The following KIRREL3 variants were observed in gnomAD, a reference collection of about 807,000 sequenced individuals.
The protein encoded by KIRREL3 is kirre like nephrin family adhesion molecule 3.
KIRREL3 carries 36 observed loss-of-function variants against 89.7 expected under a neutral mutation model. The ratio of observed to expected loss-of-function variants is 0.40; its 90% confidence interval spans 0.31 to 0.53. KIRREL3 has a LOEUF of 0.53. Among genes scored for constraint, KIRREL3 ranks in the 20% least tolerant of loss-of-function variants. KIRREL3 has a pLI of 0.49. For missense variants in KIRREL3, 864 were observed against 1,056.6 expected, an observed-to-expected ratio of 0.82 and a Z score of 2.53; for synonymous variants, 445 against 441.4, an observed-to-expected ratio of 1.01 and a Z score of -0.10.
chr11:126,518,703 T>C (rs1031936073), intron 4 of KIRREL3, among the ~76,000 whole-genome samples: 6 of 152,178 alleles, frequency 3.9e-5, no homozygotes, highest in Admixed American at 1.3e-4. Flanking sequence ...CTCTCTCCCA[T>C]CTGTGGGAAC....
In KIRREL3 at chr11:126,491,039, C is replaced by T. The variant is rs1268856356; in HGVS notation, c.434-17573G>A. Among the ~76,000 whole-genome samples the T allele has an allele frequency of 6.6e-6, 1 of 152,140 alleles. No homozygotes were observed. The highest frequency in any genetic ancestry group is 2.4e-5 in the African/African-American group (1 of 41,422). On this transcript the variant is annotated intron_variant, in intron 4 of 16. Transcript: ENST00000525144. This position sits in a 1 kb window ranked among gnomAD's most constrained non-coding sequence, Gnocchi z 5.5. ...GCAGGGCTCTGTCTGGATTTTGGGT[C>T]CATCCCGTAGTGGAAAGGGGTCCTA... is the stretch of plus-strand genomic sequence containing the variant.
intron 1 of KIRREL3, among the ~76,000 whole-genome samples, chr11:126,803,553 G>A (rs1276386579): frequency 6.6e-6 from 1 of 152,016 alleles, no homozygotes; most frequent in Non-Finnish European, 1.5e-5. Context: ...ACTGTTAGTA[G>A]TGTTAATAAA....
Position 126,891,299 on chromosome 11 carries a change from A to C in KIRREL3, c.55+109156T>G, listed in dbSNP as rs1268036958. 6.6e-6 allele frequency among the ~76,000 whole-genome samples: 1 copy of C among 152,208 alleles called. No homozygotes were observed. The highest frequency in any genetic ancestry group is 2.4e-5 in the African/African-American group (1 of 41,450). The stretch of plus-strand genomic sequence containing the variant: ...CAAAAAGATCCTGGGATATCAAAAT[A>C]TCACTGTCTGACTCTGATAATGACT... On this transcript the variant is annotated intron_variant, in intron 1 of 16. Transcript: ENST00000525144. The surrounding 1 kb of genome is among the most constrained non-coding windows in gnomAD (Gnocchi z 5.1).
At chr11:126,846,702 G>A (rs984020494) in intron 1 of KIRREL3, among the ~76,000 whole-genome samples, 21 of 151,958 alleles carry the variant, frequency 1.4e-4, no homozygotes, top group African/African-American at 4.6e-4. Context: ...AATTTCACAC[G>A]CAAGGTGTAT....
Position 126,431,155 on chromosome 11 carries a change from T to C in KIRREL3, c.1696+264A>G. ...GTACAGTTCCTGACTGAAAGAGCTATGTGTTCAATCCAAAATGCTGGCTGC... is the reference window on the plus strand; with the variant it reads ...GTACAGTTCCTGACTGAAAGAGCTACGTGTTCAATCCAAAATGCTGGCTGC... On this transcript the variant is annotated intron_variant, in intron 14 of 16. Transcript: ENST00000525144. This position sits in a 1 kb window ranked among gnomAD's most constrained non-coding sequence, Gnocchi z 7.1. 1 of 1,442,392 alleles carries C rather than the reference T, an allele frequency of 6.9e-7. No individual in the cohort carries two copies. Among genetic ancestry groups the C allele is most frequent in the African/African-American group, 1.4e-5 (1 of 70,212 alleles). 89.3% of individuals were successfully genotyped at this position (1,442,392 alleles called of 1,614,324 possible). A position where few individuals can be genotyped will look rare whatever the true frequency, so the allele number is the denominator to read the frequency against.
In KIRREL3 at chr11:126,436,960, T is replaced by C; in HGVS notation, c.1403A>G (p.Tyr468Cys). Residue 468 changes from tyrosine (Y) to cysteine (C), a missense_variant, in exon 12 of 17, where the codon TAT (tyrosine) becomes TGT (cysteine). By Grantham distance (194) the Tyr-to-Cys change is radical. Coordinates refer to ENST00000525144, the MANE Select transcript of KIRREL3 (RefSeq NM_032531.4). ...CTCGGTGCTGATGGTCTCCACCGTA[T>C]AGCGCCCCGATGTGCCCGACTCCAG... Reference protein sequence around the residue: ...NVLESGTSGRYTVETISTEEG... With the variant: ...NVLESGTSGRCTVETISTEEG... 1 of 1,599,216 alleles carries C rather than the reference T, an allele frequency of 6.3e-7. No homozygotes were observed. The highest frequency in any genetic ancestry group is 1.3e-5 in the African/African-American group (1 of 74,746).
At chr11:126,581,043 G>C (rs567711687) in intron 1 of KIRREL3, among the ~76,000 whole-genome samples, 102 of 152,216 alleles carry the variant, frequency 6.7e-4, no homozygotes, top group African/African-American at 2.3e-3. Context: ...AACCATGCCT[G>C]CAATGCCAGT....
rs1291773005 is a variant in KIRREL3 at position 126,705,511 on chromosome 11, G to A, written c.56-142599C>T. On this transcript the variant is annotated intron_variant, in intron 1 of 16. Transcript: ENST00000525144. The surrounding 1 kb of genome is among the most constrained non-coding windows in gnomAD (Gnocchi z 4.3). ...CTTCTGCCATGATTGGAAGCTTCCT[G>A]AGGCCTCACCAGAAGCTGAGAAGAT... Among the ~76,000 whole-genome samples the A allele has an allele frequency of 6.6e-6, 1 of 152,150 alleles. No individual in the cohort carries two copies. The highest frequency in any genetic ancestry group is 1.5e-5 in the Non-Finnish European group (1 of 68,032).
rs59527536 is a variant in KIRREL3, at chr11:126,755,495, T to A, written c.56-192583A>T. ...GAGAACCGGACTGGATAAAGCCACC[T>A]CTTCCCATTGCTCTCTTTAAAAAAG... On this transcript the variant is annotated intron_variant, in intron 1 of 16. Coordinates refer to ENST00000525144, the MANE Select transcript of KIRREL3 (RefSeq NM_032531.4). The surrounding 1 kb of genome is among the most constrained non-coding windows in gnomAD (Gnocchi z 4.3). 9.9e-5 allele frequency among the ~76,000 whole-genome samples: 15 copies of A among 152,168 alleles called. No homozygotes were observed. The highest frequency in any genetic ancestry group is 2.9e-4 in the African/African-American group (12 of 41,494).
rs10893577 is a variant in KIRREL3 at position 126,812,823 on chromosome 11, A to C, written c.55+187632T>G. ...TTTCTGGGTCTGGCTCTGTTTCTCT[A>C]TTTCCCAGTTACTTGCCCAAGAACA... On this transcript the variant is annotated intron_variant, in intron 1 of 16. Coordinates refer to ENST00000525144, the MANE Select transcript of KIRREL3 (RefSeq NM_032531.4). The surrounding 1 kb of genome is among the most constrained non-coding windows in gnomAD (Gnocchi z 5.2). Among the ~76,000 whole-genome samples the C allele has an allele frequency of 6.6e-6, 1 of 151,852 alleles. No individual in the cohort carries two copies. The highest frequency in any genetic ancestry group is 1.9e-4 in the East Asian group (1 of 5,142).
intron 1 of KIRREL3, among the ~76,000 whole-genome samples, chr11:126,722,307 C>T (rs543283978): frequency 6.6e-6 from 1 of 152,370 alleles, no homozygotes; most frequent in South Asian, 2.1e-4. Context: ...ATGGTTCACT[C>T]CCTCACTTCC....
At chr11:126,626,707 T>A (rs1445399801) in intron 1 of KIRREL3, among the ~76,000 whole-genome samples, 2 of 152,156 alleles carry the variant, frequency 1.3e-5, no homozygotes, top group Non-Finnish European at 2.9e-5. Flanking sequence ...ATAACCACAG[T>A]TTTGGCTGGG....
At chr11:126,794,889 C>T (rs1950755956) in intron 1 of KIRREL3, among the ~76,000 whole-genome samples, 1 of 152,206 alleles carries the variant, frequency 6.6e-6, no homozygotes, top group South Asian at 2.1e-4. Context: ...GGTACCTCCA[C>T]ACAGTGAAAT....
intron 1 of KIRREL3, among the ~76,000 whole-genome samples, chr11:126,779,639 C>T (rs1209110862): frequency 6.6e-5 from 10 of 152,082 alleles, no homozygotes; most frequent in Admixed American, 1.3e-4. Context: ...CAACACCTGG[C>T]GTCAATCTTA....
In KIRREL3 at chr11:126,651,715, A is replaced by G. The variant is rs1314729482; in HGVS notation, c.56-88803T>C. Among the ~76,000 whole-genome samples, 2 of 152,180 alleles carry G rather than the reference A, an allele frequency of 1.3e-5. No individual in the cohort carries two copies. Among genetic ancestry groups the G allele is most frequent in the Non-Finnish European group, 2.9e-5 (2 of 68,028 alleles). Reference sequence around the variant, plus strand: ...ATTCATTCATGTGCCATTTGTTTTCATTCCTTTTTTATAATAAGCTAATTA... The same window carrying G: ...ATTCATTCATGTGCCATTTGTTTTCGTTCCTTTTTTATAATAAGCTAATTA... On this transcript the variant is annotated intron_variant, in intron 1 of 16. Transcript: ENST00000525144. The surrounding 1 kb of genome is among the most constrained non-coding windows in gnomAD (Gnocchi z 4.6).
At chr11:126,982,730 A>G (rs1949752434) in intron 1 of KIRREL3, among the ~76,000 whole-genome samples, 1 of 152,212 alleles carries the variant, frequency 6.6e-6, no homozygotes, top group Non-Finnish European at 1.5e-5. Context: ...GAAAAATCAA[A>G]GTGCAGGCAG....
chr11:126,923,162 T>TTCTTCTTCTTC (rs1947450600), intron 1 of KIRREL3, among the ~76,000 whole-genome samples: 1 of 23,596 alleles, frequency 4.2e-5, no homozygotes, highest in Admixed American at 5.4e-4. Context: ...CTTCTTCTTC[T>TTCTTCTTCTTC]TCTTCTTCTT....
In KIRREL3 at chr11:126,445,207, A is replaced by C. The variant is rs919878040; in HGVS notation, c.1126-102T>G. ...GAGGCTGGCCTGGGGTAACTGAGGC[A>C]GTCTCCGGCATCTCAGTAGGAAGCA... On this transcript the variant is annotated intron_variant, in intron 9 of 16. Coordinates refer to ENST00000525144, the MANE Select transcript of KIRREL3 (RefSeq NM_032531.4). 4 of 1,425,596 alleles carry C rather than the reference A, an allele frequency of 2.8e-6. No homozygotes were observed. In the Admixed American group the frequency reaches 8.3e-5, roughly 29 times the overall value. 88.3% of individuals were successfully genotyped at this position (1,425,596 alleles called of 1,614,324 possible).
intron 1 of KIRREL3, among the ~76,000 whole-genome samples, chr11:126,959,082 A>G (rs905178767): frequency 1.3e-5 from 2 of 152,022 alleles, no homozygotes; most frequent in African/African-American, 4.8e-5. Context: ...TACTCTTCCT[A>G]TCTGATAGCC....
Sources: allele counts gnomAD v4.1 joint callset (sites outside exome capture counted in the v4.1 genomes callset), GRCh38; gene constraint gnomAD v4.1.1; non-coding constraint Gnocchi (gnomAD v3.1); transcripts MANE v1.5; gene names NCBI Gene and HGNC (gene_info 2026-07-23, HGNC 2026-07-21).